Variants in GRM7 observed in about 807,000 individuals in gnomAD.
GRM7 encodes metabotropic glutamate receptor 7.
GRM7 carries 35 observed loss-of-function variants against 84.5 expected under a neutral mutation model. The ratio of observed to expected loss-of-function variants is 0.41; its 90% CI spans 0.32 to 0.55. GRM7 has a LOEUF of 0.55. GRM7 is among the 20% of genes least tolerant of loss of function. GRM7 has a pLI of 0.19. For synonymous variants in GRM7, 487 were observed against 455.1 expected (o/e 1.07, Z -0.89); for missense variants, 1,003 against 1,194.6 (o/e 0.84, Z 2.36).
intron 1 of GRM7, among the ~76,000 whole-genome samples, chr3:6,906,866 A>T (rs572384138): frequency 1.3e-5 from 2 of 152,274 alleles, no homozygotes; most frequent in East Asian, 3.9e-4. Context: ...TAACATCCTT[A>T]CTTAGGTATA....
chr3:7,050,291 AAAAC>A (rs1246953681), intron 1 of GRM7, among the ~76,000 whole-genome samples: 2 of 151,930 alleles, frequency 1.3e-5, no homozygotes, highest in South Asian at 4.1e-4. Flanking sequence ...AGTCTGTTCT[AAAAC>A]AAAAGCTTTG....
At chr3:7,470,551 A>G (rs1228753474) in intron 7 of GRM7, among the ~76,000 whole-genome samples, 2 of 152,158 alleles carry the variant, frequency 1.3e-5, no homozygotes, top group Admixed American at 6.5e-5. Context: ...ATAATTATCA[A>G]TATGGTTCCA....
intron 1 of GRM7, among the ~76,000 whole-genome samples, chr3:6,957,403 C>T (rs929315040): frequency 2.6e-5 from 4 of 152,166 alleles, no homozygotes; most frequent in African/African-American, 9.7e-5. Context: ...AACGAGTGTT[C>T]CCTGAGGGCT....
At chr3:7,233,746 T>A (rs1245647432) in intron 2 of GRM7, among the ~76,000 whole-genome samples, 2 of 152,002 alleles carry the variant, frequency 1.3e-5, no homozygotes, top group African/African-American at 4.8e-5. Flanking sequence ...CAGGTAAAAA[T>A]TTTTCTTTTA....
rs556784130 is a variant in GRM7, at chr3:7,006,173, TC to T, written c.520-140274del. ...ACTTTCCATCTATATTTTGAAAGAG[TC>T]CCCCAGAAATTGAAGGACCGCTGGT... On this transcript the variant is annotated intron_variant, in intron 1 of 9. Transcript: ENST00000357716. 4.2e-3 allele frequency among the ~76,000 whole-genome samples: 639 copies of T among 152,016 alleles called. 4 individuals carry two copies. Among genetic ancestry groups the T allele is most frequent in the Admixed American group, 0.01 (159 of 15,270 alleles).
intron 2 of GRM7, among the ~76,000 whole-genome samples, chr3:7,217,531 A>G (rs1213979998): frequency 1.3e-5 from 2 of 152,126 alleles, no homozygotes; most frequent in South Asian, 4.1e-4. Flanking sequence ...AATAATTTTT[A>G]AAATAGTGAA....
chr3:6,973,241 A>G (rs1693833770), intron 1 of GRM7, among the ~76,000 whole-genome samples: 1 of 152,072 alleles, frequency 6.6e-6, no homozygotes, highest in Admixed American at 6.6e-5. Context: ...TATTGTTATT[A>G]TGCCCTAATG....
intron 1 of GRM7, among the ~76,000 whole-genome samples, chr3:7,133,540 G>A (rs1298268829): frequency 6.6e-6 from 1 of 152,170 alleles, no homozygotes; most frequent in Non-Finnish European, 1.5e-5. Flanking sequence ...CCAAGTTTGA[G>A]AAATCCTGCT....
At chr3:7,406,535 A>T (rs1483472092) in intron 4 of GRM7, among the ~76,000 whole-genome samples, 1 of 152,158 alleles carries the variant, frequency 6.6e-6, no homozygotes, top group East Asian at 1.9e-4. Flanking sequence ...ACATACATAA[A>T]AATAGAATGA....
At chr3:7,300,685 T>G (rs1302958372) in intron 3 of GRM7, among the ~76,000 whole-genome samples, 1 of 152,182 alleles carries the variant, frequency 6.6e-6, no homozygotes, top group Non-Finnish European at 1.5e-5. Context: ...TTTCCTTCCC[T>G]GCTTCATCAC....
At chr3:7,291,527 T>A (rs867192611) in intron 2 of GRM7, among the ~76,000 whole-genome samples, 11 of 102,044 alleles carry the variant, frequency 1.1e-4, no homozygotes, top group East Asian at 7.0e-4. Flanking sequence ...TCTCTCTCTC[T>A]CTCTCTCTCT....
intron 1 of GRM7, among the ~76,000 whole-genome samples, chr3:6,963,570 A>G (rs761683003): frequency 6.8e-6 from 1 of 147,246 alleles, no homozygotes; most frequent in African/African-American, 2.5e-5. Context: ...GGTTACAGTG[A>G]GCCCTCCAGC....
chr3:7,439,841 G>A lies in GRM7; in HGVS notation c.1175-12766G>A, dbSNP rs556307026. Among the ~76,000 whole-genome samples the A allele has an allele frequency of 9.1e-4, 138 of 152,242 alleles. 5 individuals are homozygous for A. In the South Asian group the frequency reaches 0.026, roughly 29 times the overall value. ...AAGGTTGCATTGAGGAGTAGTCAAT[G>A]TGGATTTGGAGTTCCAGAGAGCACA... On this transcript the variant is annotated intron_variant, in intron 5 of 9. Transcript: ENST00000357716.
At chr3:7,515,653 G>A (rs1700350102) in intron 7 of GRM7, among the ~76,000 whole-genome samples, 1 of 152,022 alleles carries the variant, frequency 6.6e-6, no homozygotes, top group Non-Finnish European at 1.5e-5. Flanking sequence ...GCGCTATTAG[G>A]GTATAGCAAA....
At chr3:6,943,636 A>C (rs1338373764) in intron 1 of GRM7, among the ~76,000 whole-genome samples, 1 of 152,000 alleles carries the variant, frequency 6.6e-6, no homozygotes, top group Admixed American at 6.6e-5. Flanking sequence ...TGGATCATTT[A>C]GCTTTGTTCT....
At chr3:6,969,553 C>A (rs802783) in intron 1 of GRM7, among the ~76,000 whole-genome samples, 118,227 of 152,120 alleles carry the variant, frequency 0.78, 46,130 homozygotes, top group East Asian at 0.99. Flanking sequence ...ATAAAGAGCT[C>A]TGTCAGGTTC....
intron 7 of GRM7, among the ~76,000 whole-genome samples, chr3:7,566,038 T>G (rs1370792672): frequency 5.3e-5 from 8 of 151,994 alleles, no homozygotes. Flanking sequence ...TTCTGGCTTA[T>G]GAATAGATAA....
At chr3:7,013,862 ATTTATTTCTCTTTTCTTT>A (rs1355603786) in intron 1 of GRM7, among the ~76,000 whole-genome samples, 5 of 151,782 alleles carry the variant, frequency 3.3e-5, no homozygotes, top group Admixed American at 3.3e-4. Flanking sequence ...ATCTTTTCTC[ATTTATTTCTCTTTTCTTT>A]GGTAATTAAT....
intron 2 of GRM7, among the ~76,000 whole-genome samples, chr3:7,247,264 A>G (rs1697799614): frequency 6.6e-6 from 1 of 152,070 alleles, no homozygotes; most frequent in Admixed American, 6.6e-5. Flanking sequence ...CACAAATAGC[A>G]CACAGTACAA....
Sources: allele counts gnomAD v4.1 joint callset (sites outside exome capture counted in the v4.1 genomes callset), GRCh38; gene constraint gnomAD v4.1.1; transcripts MANE v1.5; gene names NCBI Gene and HGNC (gene_info 2026-07-23, HGNC 2026-07-21).